SVEP1: variants seen among roughly 807,000 people sequenced by gnomAD.
The protein encoded by SVEP1 is sushi, von Willebrand factor type A, EGF and pentraxin domain containing 1, also known as sushi, von Willebrand factor type A, EGF and pentraxin domain-containing protein 1.
In SVEP1, 164 loss-of-function variants were observed where a neutral mutation model predicts 367.3. The ratio of observed to expected loss-of-function variants is 0.45; its 90% CI spans 0.39 to 0.51. The LOEUF (loss-of-function observed/expected upper bound fraction) is 0.51. SVEP1 is among the 20% of genes least tolerant of loss of function. SVEP1 has a pLI of 0.00. For synonymous variants in SVEP1, 1,666 were observed against 1,611.6 expected (o/e 1.03, Z -0.81); for missense variants, 4,117 against 4,425.3 (o/e 0.93, Z 1.98).
chr9:110,545,963 A>ATTT (rs1374183866), intron 3 of SVEP1, among the ~76,000 whole-genome samples, 152 bp downstream of exon 3: 1 of 152,184 alleles, frequency 6.6e-6, no homozygotes. Flanking sequence ...TGGCAAATAA[A>ATTT]TGAGTCAGCA....
chr9:110,400,708 TG>T (rs1260624044), intron 40 of SVEP1, 145 bp downstream of exon 40: 4 of 923,188 alleles, frequency 4.3e-6, no homozygotes, highest in Non-Finnish European at 6.1e-6. Context: ...AAATATTTCT[TG>T]GAAAATGTTA....
At chr9:110,519,897 G>A (rs563490608) in intron 3 of SVEP1, among the ~76,000 whole-genome samples, 1 of 152,014 alleles carries the variant, frequency 6.6e-6, no homozygotes, top group Non-Finnish European at 1.5e-5. Flanking sequence ...ATATACAGAA[G>A]TTACAAGTAA....
chr9:110,411,662 G>T lies in SVEP1; in HGVS notation c.6049C>A (p.Leu2017Met). Residue 2017 changes from leucine (L) to methionine (M), a missense_variant, in exon 37 of 48, where the codon CTG (leucine) becomes ATG (methionine). Physicochemically the swap from Leu to Met is conservative, Grantham distance 15 (BLOSUM62 2). Coordinates refer to ENST00000374469, the MANE Select transcript of SVEP1 (RefSeq NM_153366.4). ...GGTGGCTCATCACAGGAGACAGCCA[G>T]GCACTGCTGGTCACTTCTACTCCAC... ...GKWSRSDQQC[L>M]AVSCDEPPIV... 6.2e-7 allele frequency: 1 copy of T among 1,607,446 alleles called. No homozygotes were observed. The highest frequency in any genetic ancestry group is 8.5e-7 in the Non-Finnish European group (1 of 1,176,888).
chr9:110,477,323 G>T (rs961643076), intron 13 of SVEP1, among the ~76,000 whole-genome samples: 2 of 152,038 alleles, frequency 1.3e-5, no homozygotes. Context: ...CATCACCATG[G>T]AATGTCTCCT....
At chr9:110,514,896 G>A (rs1829780520) in intron 3 of SVEP1, among the ~76,000 whole-genome samples, 2 of 152,154 alleles carry the variant, frequency 1.3e-5, no homozygotes, top group African/African-American at 4.8e-5. Context: ...AAAGCACTTA[G>A]CCCATTGTTT....
Position 110,513,062 on chromosome 9 carries a change from A to G in SVEP1, c.1167T>C (p.Phe389=), listed in dbSNP as rs1829747965. ...AGTGGTTGTTGCAAGTGTTTTGGAT[A>G]AAGTAACCATTTTCGGGAGGCTTCA... The part of the protein sequence containing the change: ...PALKPPENGY[F]IQNTCNNHFN... Residue 389 remains phenylalanine, a synonymous_variant, in exon 5 of 48, where the codon TTT becomes TTC. Transcript: ENST00000374469. 1 of 1,613,880 alleles carries G rather than the reference A, an allele frequency of 6.2e-7. No homozygotes were observed. Among genetic ancestry groups the G allele is most frequent in the African/African-American group, 1.3e-5 (1 of 74,938 alleles).
rs77840057 is a variant in SVEP1 at position 110,486,187 on chromosome 9, A to C, written c.1931-2494T>G. Among the ~76,000 whole-genome samples the C allele has an allele frequency of 2.0e-3, 310 of 152,380 alleles. 8 individuals carry two copies. In the East Asian group the frequency reaches 0.049, roughly 24 times the overall value. On this transcript the variant is annotated intron_variant, in intron 9 of 47. Transcript: ENST00000374469. ...TGAGAATGCTGAATCAAGTCAATTC[A>C]TAGCTAAATTTACAAATCCAGCAGT... is the stretch of plus-strand genomic sequence containing the variant.
intron 5 of SVEP1, among the ~76,000 whole-genome samples, chr9:110,506,998 A>G (rs138947721): frequency 6.6e-6 from 1 of 152,334 alleles, no homozygotes; most frequent in East Asian, 1.9e-4. Context: ...ACTCTCAGTC[A>G]GAAGGCATGC....
intron 3 of SVEP1, among the ~76,000 whole-genome samples, chr9:110,539,634 TG>T: frequency 6.6e-6 from 1 of 151,140 alleles, no homozygotes; most frequent in Non-Finnish European, 1.5e-5. Flanking sequence ...TACACATATA[TG>T]TATGTGTTAC....
At chr9:110,367,881 G>C (rs1254752672) in intron 47 of SVEP1, among the ~76,000 whole-genome samples, 1 of 152,100 alleles carries the variant, frequency 6.6e-6, no homozygotes, top group Non-Finnish European at 1.5e-5. Flanking sequence ...AGGAGTTCGA[G>C]ACTAGCCTGG....
chr9:110,477,878 G>C (rs1302999108), intron 13 of SVEP1, among the ~76,000 whole-genome samples: 2 of 152,146 alleles, frequency 1.3e-5, no homozygotes, highest in Non-Finnish European at 2.9e-5. Flanking sequence ...TCTCCTCCTA[G>C]AGCCCAAAGT....
chr9:110,484,969 C>T (rs111365451), intron 9 of SVEP1, among the ~76,000 whole-genome samples: 22,697 of 152,132 alleles, frequency 0.15, 2,260 homozygotes, highest in East Asian at 0.43. Context: ...AATAGGAATG[C>T]TTTTACACTG....
chr9:110,458,753 T>G (rs1403632910), intron 19 of SVEP1, among the ~76,000 whole-genome samples, 191 bp from the exon 20 acceptor site: 2 of 152,092 alleles, frequency 1.3e-5, no homozygotes, highest in African/African-American at 4.8e-5. Context: ...AGAAAGAAAT[T>G]TAGAAGTTAT....
chr9:110,445,939 G>A lies in SVEP1; in HGVS notation c.4361C>T (p.Thr1454Ile), dbSNP rs757971918. 4 of 1,613,818 alleles carry A rather than the reference G, an allele frequency of 2.5e-6. No homozygotes were observed. Among genetic ancestry groups the A allele is most frequent in the Admixed American group, 1.7e-5 (1 of 59,980 alleles). The change falls in exon 26 of 48, where the codon ACC becomes ATC. Residue 1454 changes from threonine (T) to isoleucine (I), a missense_variant. Transcript: ENST00000374469. Reference protein sequence around the residue: ...MLPSLHALTCTFWMKSSDDMN... With the variant: ...MLPSLHALTCIFWMKSSDDMN... The stretch of plus-strand genomic sequence containing the variant: ...GTCGTCAGAGGATTTCATCCAGAAG[G>A]TACAGGTTAGAGCATGGAGAGATGG...
intron 12 of SVEP1, among the ~76,000 whole-genome samples, chr9:110,480,499 C>A (rs1829167977): frequency 6.6e-6 from 1 of 152,010 alleles, no homozygotes; most frequent in South Asian, 2.1e-4. Context: ...ATTTTTATAA[C>A]AATGTATATT....
At chr9:110,478,657 G>A (rs983769628) in intron 13 of SVEP1, among the ~76,000 whole-genome samples, 12 of 152,184 alleles carry the variant, frequency 7.9e-5, no homozygotes, top group Non-Finnish European at 1.5e-4. Flanking sequence ...TAGTAACAGT[G>A]ACAACATTAT....
At chr9:110,463,612 G>A (rs926421199) in intron 18 of SVEP1, among the ~76,000 whole-genome samples, 53 of 148,046 alleles carry the variant, frequency 3.6e-4, no homozygotes, top group Non-Finnish European at 2.6e-4. Context: ...GAAGAAAAAG[G>A]AAGGAAAGAA....
At position 110,390,181 on chromosome 9, in the gene SVEP1, A is replaced by ATG. The variant is rs1265964275; in HGVS notation, c.9823-595_9823-594insCA. Among the ~76,000 whole-genome samples, 9 of 70,196 alleles carry ATG rather than the reference A, an allele frequency of 1.3e-4. 1 individual carries two copies. Among genetic ancestry groups the ATG allele is most frequent in the Admixed American group, 3.4e-4 (2 of 5,892 alleles). The allele number at this position is 70,196 out of a possible 152,430, so 46.1% of individuals were successfully genotyped here. On this transcript the variant is annotated intron_variant, in intron 40 of 47. Coordinates refer to ENST00000374469, the MANE Select transcript of SVEP1 (RefSeq NM_153366.4). ...TACATACTTATATAAGTATGTATGT[A>ATG]TATATACACTTATATAAGTATGTAT... is the stretch of plus-strand genomic sequence containing the variant.
chr9:110,579,108 G>T lies in SVEP1; in HGVS notation c.436C>A (p.Arg146Ser). ...RVDYISTRRA[R>S]QHKCALLLQE... Reference sequence around the variant, plus strand: ...AGGAGCAGCGCGCACTTGTGCTGGCGCGCGCGGCGGGTGGAGATGTAATCG... The same window carrying T: ...AGGAGCAGCGCGCACTTGTGCTGGCTCGCGCGGCGGGTGGAGATGTAATCG... The change falls in exon 1 of 48, where the codon CGC becomes AGC. Residue 146 changes from arginine to serine, a missense_variant. Coordinates refer to ENST00000374469, the MANE Select transcript of SVEP1 (RefSeq NM_153366.4). This position sits in a 1 kb window ranked among gnomAD's most constrained non-coding sequence, Gnocchi z 5.3. 1.3e-6 allele frequency: 2 copies of T among 1,553,766 alleles called. No homozygotes were observed. The highest frequency in any genetic ancestry group is 1.7e-6 in the Non-Finnish European group (2 of 1,149,026).
Sources: gnomAD v4.1 joint callset for allele counts (sites outside exome capture counted in the v4.1 genomes callset) on GRCh38, gnomAD v4.1.1 for gene constraint, Gnocchi (gnomAD v3.1) non-coding constraint, MANE v1.5 for transcripts, NCBI Gene and HGNC (gene_info 2026-07-23, HGNC 2026-07-21) for gene names.